Variants in ZFAND3 observed in about 807,000 individuals in gnomAD.
The protein encoded by ZFAND3 is zinc finger AN1-type containing 3, also known as AN1-type zinc finger protein 3.
In ZFAND3, 10 loss-of-function variants were observed where a neutral mutation model predicts 29.6. The observed-to-expected ratio is 0.34, with a 90% CI of 0.21 to 0.57. ZFAND3 has a LOEUF of 0.57. ZFAND3 is among the 20% of genes least tolerant of loss of function. The pLI is 0.86. For missense variants in ZFAND3, 230 were observed against 304.5 expected (o/e 0.76, Z 1.82); for synonymous variants, 128 against 112.6 (o/e 1.14, Z -0.87).
intron 1 of ZFAND3, among the ~76,000 whole-genome samples, chr6:37,885,501 A>G (rs1764973705): frequency 6.6e-6 from 1 of 151,978 alleles, no homozygotes; most frequent in African/African-American, 2.4e-5. Context: ...AAAATTAGCC[A>G]GGTGTGGTGG....
chr6:38,003,334 A>G (rs1762983725), intron 2 of ZFAND3: 2 of 153,492 alleles, frequency 1.3e-5, no homozygotes, highest in South Asian at 4.1e-4. Flanking sequence ...TATTCCTGGG[A>G]TGCACTGAGC....
intron 1 of ZFAND3, among the ~76,000 whole-genome samples, chr6:37,834,703 A>G (rs186862499): frequency 3.4e-4 from 50 of 146,088 alleles, no homozygotes; most frequent in South Asian, 6.2e-4. Flanking sequence ...TGCATATATC[A>G]TTATGTATAT....
In ZFAND3 at chr6:37,864,021, A is replaced by G. The variant is rs746027455; in HGVS notation, c.71+44005A>G. ...GTTTAGACAGCTTTTGCTTGTTCTA[A>G]AAGTTTGAATGTGAATTGGGGTTTG... On this transcript the variant is annotated intron_variant, in intron 1 of 5. Transcript: ENST00000287218. Among the ~76,000 whole-genome samples the G allele has an allele frequency of 4.4e-4, 67 of 152,266 alleles. 1 individual carries two copies. The highest frequency in any genetic ancestry group is 7.8e-4 in the Non-Finnish European group (53 of 68,014).
intron 2 of ZFAND3, among the ~76,000 whole-genome samples, chr6:37,969,499 G>A (rs1288655825): frequency 6.6e-6 from 1 of 152,188 alleles, no homozygotes; most frequent in Non-Finnish European, 1.5e-5. Flanking sequence ...TTATAATAAT[G>A]TGCTGAATAT....
intron 2 of ZFAND3, among the ~76,000 whole-genome samples, chr6:37,984,837 T>G (rs770095319): frequency 6.6e-6 from 1 of 152,198 alleles, no homozygotes; most frequent in Non-Finnish European, 1.5e-5. Context: ...TGCATCTCCC[T>G]TTTGAGACTA....
chr6:37,975,605 T>C (rs935618085), intron 2 of ZFAND3, among the ~76,000 whole-genome samples: 2 of 152,306 alleles, frequency 1.3e-5, no homozygotes, highest in South Asian at 2.1e-4. Context: ...GAGGTATACA[T>C]CTGAGTTTAT....
intron 2 of ZFAND3, among the ~76,000 whole-genome samples, chr6:37,966,268 G>A (rs1023054271): frequency 6.6e-6 from 1 of 152,192 alleles, no homozygotes; most frequent in African/African-American, 2.4e-5. Flanking sequence ...ACAAATGCTA[G>A]AATGTGACCA....
intron 1 of ZFAND3, among the ~76,000 whole-genome samples, chr6:37,884,481 C>A: frequency 1.1e-5 from 1 of 90,468 alleles, no homozygotes. Context: ...GCAAAAAGAG[C>A]GAAACTCTAG....
chr6:37,868,724 G>C (rs1764635458), intron 1 of ZFAND3, among the ~76,000 whole-genome samples: 1 of 152,092 alleles, frequency 6.6e-6, no homozygotes, highest in African/African-American at 2.4e-5. Context: ...AACGTCACTT[G>C]GTCATGATGA....
intron 2 of ZFAND3, among the ~76,000 whole-genome samples, chr6:38,025,394 A>G (rs930471524): frequency 6.6e-6 from 1 of 152,224 alleles, no homozygotes; most frequent in African/African-American, 2.4e-5. Flanking sequence ...CAAGTAATTT[A>G]AGTGGTATTT....
chr6:38,073,475 T>C (rs1383951271), intron 3 of ZFAND3, among the ~76,000 whole-genome samples: 1 of 152,082 alleles, frequency 6.6e-6, no homozygotes, highest in Non-Finnish European at 1.5e-5. Flanking sequence ...AGCCTGTAAA[T>C]AGTCAAAAGT....
chr6:38,076,154 T>C (rs550302504), intron 3 of ZFAND3, among the ~76,000 whole-genome samples: 1 of 152,182 alleles, frequency 6.6e-6, no homozygotes, highest in Non-Finnish European at 1.5e-5. Flanking sequence ...GATCCTTCAC[T>C]AGCAAGAAGA....
chr6:38,068,790 G>A (rs2842509), intron 3 of ZFAND3, among the ~76,000 whole-genome samples: 144,973 of 152,234 alleles, frequency 0.95, 69,354 homozygotes, highest in East Asian at 1. Context: ...CTAAAGCTTC[G>A]TTTCCAGGTG....
intron 2 of ZFAND3, among the ~76,000 whole-genome samples, chr6:37,970,423 A>G (rs1762365730): frequency 6.6e-6 from 1 of 152,162 alleles, no homozygotes; most frequent in South Asian, 2.1e-4. Flanking sequence ...CTTCTGGTGT[A>G]CTGAGAGGCC....
At chr6:38,144,196 T>TAAA (rs1354708877) in intron 5 of ZFAND3, among the ~76,000 whole-genome samples, 1 of 41,094 alleles carries the variant, frequency 2.4e-5, no homozygotes, top group African/African-American at 1.1e-4. Flanking sequence ...TATATATATA[T>TAAA]ATATATATAT....
At position 38,154,337 on chromosome 6, in the gene ZFAND3, G is replaced by A. The variant is rs868420333; in HGVS notation, c.*1948G>A. ...AAGGAGCCCAGGGGAGCTGGCCTGG[G>A]GGAGCGAAGCCCATGTTCGCTTCCT... On this transcript the variant is annotated 3_prime_UTR_variant, in exon 6 of 6. Transcript: ENST00000287218. 4 of 984,612 alleles carry A rather than the reference G, an allele frequency of 4.1e-6. No homozygotes were observed. In the African/African-American group the frequency reaches 5.3e-5, roughly 13 times the overall value. 61.0% of individuals were successfully genotyped at this position (984,612 alleles called of 1,614,324 possible).
intron 2 of ZFAND3, among the ~76,000 whole-genome samples, chr6:37,974,068 T>C (rs917750516): frequency 1.3e-5 from 2 of 152,204 alleles, no homozygotes; most frequent in Admixed American, 6.5e-5. Flanking sequence ...AATTATTCTT[T>C]TGGCTAATTC....
chr6:38,031,571 A>C (rs989275992), intron 2 of ZFAND3, among the ~76,000 whole-genome samples: 1 of 152,196 alleles, frequency 6.6e-6, no homozygotes, highest in African/African-American at 2.4e-5. Context: ...TTTGGAGTCC[A>C]GTAGACTTGA....
chr6:38,052,349 A>G (rs905036062), intron 2 of ZFAND3, among the ~76,000 whole-genome samples: 1 of 152,180 alleles, frequency 6.6e-6, no homozygotes, highest in African/African-American at 2.4e-5. Context: ...ATGAAATCCA[A>G]ACATCTACTT....
Sources: allele counts gnomAD v4.1 joint callset (sites outside exome capture counted in the v4.1 genomes callset), GRCh38; gene constraint gnomAD v4.1.1; transcripts MANE v1.5; gene names NCBI Gene and HGNC (gene_info 2026-07-23, HGNC 2026-07-21).